Variants in PTPN12 observed in about 807,000 individuals in gnomAD.
PTPN12 encodes tyrosine-protein phosphatase non-receptor type 12.
PTPN12 carries 29 observed loss-of-function variants against 97.6 expected under a neutral mutation model. The ratio of observed to expected loss-of-function variants is 0.30; its 90% CI spans 0.22 to 0.41. The LOEUF (loss-of-function observed/expected upper bound fraction) is 0.41. Among genes scored for constraint, PTPN12 ranks in the 10% least tolerant of loss-of-function variants. PTPN12 has a pLI of 1.00. For synonymous variants in PTPN12, 327 were observed against 300.4 expected (o/e 1.09, Z -0.91); for missense variants, 819 against 926.0 (o/e 0.88, Z 1.50).
Position 77,601,974 on chromosome 7 carries a change from C to T in PTPN12, c.695+1168C>T, listed in dbSNP as rs189354007. On this transcript the variant is annotated intron_variant, in intron 8 of 17. Coordinates refer to ENST00000248594, the MANE Select transcript of PTPN12 (RefSeq NM_002835.4). ...ATGATTACTGACCTAGTTAAGCTAC[C>T]TCTGAATGTGAAAGGACAAGTATAG... Among the ~76,000 whole-genome samples, 110 of 152,174 alleles carry T rather than the reference C, an allele frequency of 7.2e-4. 1 individual carries two copies. Among genetic ancestry groups the T allele is most frequent in the Non-Finnish European group, 1.4e-3 (94 of 68,014 alleles).
At chr7:77,586,356 C>T (rs117107731) in intron 5 of PTPN12, among the ~76,000 whole-genome samples, 1,857 of 152,296 alleles carry the variant, frequency 0.012, 14 homozygotes, top group Middle Eastern at 0.034. Context: ...GTTTTGTTGA[C>T]GTTGATGGCT....
In PTPN12 at chr7:77,607,280, G is replaced by T. The variant is rs576909138; in HGVS notation, c.741G>T (p.Thr247=). ...RTGAICAIDY[T]WNLLKAGKIP... ...GTGCCATTTGTGCCATAGATTATAC[G>T]TGGAATTTACTAAAAGCTGGGGTAA... Residue 247 remains threonine (T), a synonymous_variant, in exon 9 of 18, where the codon ACG becomes ACT. Transcript: ENST00000248594. 3 of 1,611,242 alleles carry T rather than the reference G, an allele frequency of 1.9e-6. No individual in the cohort carries two copies. In the South Asian group the frequency reaches 3.3e-5, roughly 18 times the overall value.
At chr7:77,591,538 T>C (rs1787867031) in intron 5 of PTPN12, among the ~76,000 whole-genome samples, 1 of 152,226 alleles carries the variant, frequency 6.6e-6, no homozygotes, top group African/African-American at 2.4e-5. Flanking sequence ...ACACTTTCTG[T>C]AATCTCTAAT....
At chr7:77,581,812 A>ATT (rs1787524371) in intron 3 of PTPN12, among the ~76,000 whole-genome samples, 1 of 152,350 alleles carries the variant, frequency 6.6e-6, no homozygotes, top group Admixed American at 6.5e-5. Context: ...AATGAACATC[A>ATT]TCAATCCCCG....
chr7:77,632,298 T>G, intron 13 of PTPN12, 50 bp from the exon 14 acceptor site: 1 of 1,310,298 alleles, frequency 7.6e-7, no homozygotes, highest in South Asian at 1.2e-5. Context: ...CTCTCTGATT[T>G]TGTTTAGATG....
At position 77,605,948 on chromosome 7, in the gene PTPN12, T is replaced by C. The variant is rs1022923985; in HGVS notation, c.696-1287T>C. Among the ~76,000 whole-genome samples, 1,078 of 127,146 alleles carry C rather than the reference T, an allele frequency of 8.5e-3. 26 individuals are homozygous for C. Among genetic ancestry groups the C allele is most frequent in the African/African-American group, 0.032 (1,018 of 31,824 alleles). The allele number at this position is 127,146 out of a possible 152,430, so 83.4% of individuals were successfully genotyped here. A position where few individuals can be genotyped will look rare whatever the true frequency, so the allele number is the denominator to read the frequency against. ...TGTACTCTAAAACAAGAGCCATCTTTTTTTTTTTTTTTTTTTTTTTTTTGA... is the reference window on the plus strand; with the variant it reads ...TGTACTCTAAAACAAGAGCCATCTTCTTTTTTTTTTTTTTTTTTTTTTTGA... On this transcript the variant is annotated intron_variant, in intron 8 of 17. Coordinates refer to ENST00000248594, the MANE Select transcript of PTPN12 (RefSeq NM_002835.4).
At chr7:77,608,326 G>A (rs1788445683) in intron 9 of PTPN12, among the ~76,000 whole-genome samples, 1 of 152,194 alleles carries the variant, frequency 6.6e-6, no homozygotes, top group African/African-American at 2.4e-5. Context: ...GAACTATGTG[G>A]TAAATTGTAA....
chr7:77,553,871 CT>C lies in PTPN12; in HGVS notation c.99+16227del, dbSNP rs924389338. On this transcript the variant is annotated intron_variant, in intron 1 of 17. Transcript: ENST00000248594. ...TTCCTATTTTTTTTTTTGTCTTCCA[CT>C]GTTTTTCTGCCTTTTGCAGTTTTAA... Among the ~76,000 whole-genome samples the C allele has an allele frequency of 1.2e-3, 177 of 150,726 alleles. 2 individuals are homozygous for C. The highest frequency in any genetic ancestry group is 4.2e-3 in the African/African-American group (171 of 40,976).
intron 3 of PTPN12, among the ~76,000 whole-genome samples, chr7:77,582,374 A>C (rs1787550573): frequency 6.6e-6 from 1 of 151,916 alleles, no homozygotes; most frequent in Non-Finnish European, 1.5e-5. Flanking sequence ...TTTTTCCATC[A>C]GCTAATCTGT....
intron 4 of PTPN12, 123 bp from the exon 5 acceptor site, chr7:77,585,420 A>C: frequency 4.1e-6 from 3 of 729,212 alleles, no homozygotes; most frequent in African/African-American, 3.6e-5. Flanking sequence ...TATTGAAACT[A>C]CTTTTTTAGG....
At position 77,635,805 on chromosome 7, in the gene PTPN12, A is replaced by C; in HGVS notation, c.2098A>C (p.Ser700Arg). The C allele has an allele frequency of 6.2e-7, 1 of 1,606,298 alleles. No homozygotes were observed. Among genetic ancestry groups the C allele is most frequent in the Non-Finnish European group, 8.5e-7 (1 of 1,176,944 alleles). Residue 700 changes from serine to arginine, a missense_variant, in exon 15 of 18, where the codon AGT becomes CGT. This residue lies in a region of PTPN12 where 607 missense variants were observed against 577.3 expected (regional missense o/e 1.05). Coordinates refer to ENST00000248594, the MANE Select transcript of PTPN12 (RefSeq NM_002835.4). ...EHNTPVRSEW[S>R]ELQSQERSEQ... ...AGATACACCTGTAAGATCGGAATGG[A>C]GTGAACTTCAAAGTCAGGAACGATC...
At chr7:77,579,185 G>C (rs570799072) in intron 2 of PTPN12, among the ~76,000 whole-genome samples, 4 of 152,096 alleles carry the variant, frequency 2.6e-5, no homozygotes, top group African/African-American at 7.2e-5. Flanking sequence ...GCAGTGGCGC[G>C]ATCTCGGCTT....
At chr7:77,543,360 T>A (rs62477770) in intron 1 of PTPN12, among the ~76,000 whole-genome samples, 3,176 of 134,728 alleles carry the variant, frequency 0.024, 57 homozygotes, top group South Asian at 0.043. Context: ...TTTTTTTTTT[T>A]AAAGAGAGAA....
chr7:77,562,377 A>G (rs777190758), intron 1 of PTPN12, among the ~76,000 whole-genome samples: 4 of 152,110 alleles, frequency 2.6e-5, no homozygotes, highest in Admixed American at 6.6e-5. Flanking sequence ...ATTATATACT[A>G]TGAGATAATG....
At chr7:77,610,926 TA>T in intron 10 of PTPN12, 21 bp from the exon 11 acceptor site, 1 of 1,586,810 alleles carries the variant, frequency 6.3e-7, no homozygotes, top group Non-Finnish European at 8.5e-7. Context: ...TTTTGTTTTT[TA>T]ATCATTTTTC....
At chr7:77,595,076 A>G (rs1170328149) in intron 6 of PTPN12, among the ~76,000 whole-genome samples, 1 of 152,252 alleles carries the variant, frequency 6.6e-6, no homozygotes, top group Non-Finnish European at 1.5e-5. Flanking sequence ...AGAAAGATTT[A>G]TTAAAAAGAA....
chr7:77,557,750 C>T (rs776581502), intron 1 of PTPN12, among the ~76,000 whole-genome samples: 11 of 151,888 alleles, frequency 7.2e-5, no homozygotes, highest in Non-Finnish European at 1.2e-4. Flanking sequence ...GAAACATGGG[C>T]GTATGGTATG....
At chr7:77,608,729 TAAA>T (rs1788458185) in intron 9 of PTPN12, among the ~76,000 whole-genome samples, 1 of 152,214 alleles carries the variant, frequency 6.6e-6, no homozygotes, top group Non-Finnish European at 1.5e-5. Flanking sequence ...AACAGTTCCT[TAAA>T]AAGCCCTCTG....
chr7:77,611,149 G>T (rs1476551191), intron 11 of PTPN12, 103 bp downstream of exon 11: 7 of 837,356 alleles, frequency 8.4e-6, no homozygotes, highest in Non-Finnish European at 1.4e-5. Context: ...AACATGAGAA[G>T]AATATCCAGG....
Sources: gnomAD v4.1 joint callset for allele counts (sites outside exome capture counted in the v4.1 genomes callset) on GRCh38, gnomAD v4.1.1 for gene constraint, gnomAD v4.1.1 regional missense constraint, MANE v1.5 for transcripts, NCBI Gene and HGNC (gene_info 2026-07-23, HGNC 2026-07-21) for gene names.